PRKG1: variants seen among roughly 807,000 people sequenced by gnomAD.
The protein encoded by PRKG1 is cGMP-dependent protein kinase 1.
In PRKG1, 35 loss-of-function variants were observed where a neutral mutation model predicts 88.1. The observed-to-expected ratio is 0.40, with a 90% CI of 0.30 to 0.53. The LOEUF (loss-of-function observed/expected upper bound fraction) is 0.53, where lower values mean the gene tolerates loss of function less well. PRKG1 is among the 20% of genes least tolerant of loss of function. The pLI, the probability that PRKG1 is intolerant of heterozygous loss-of-function variation, is 0.59. For synonymous variants in PRKG1, 303 were observed against 292.5 expected, an observed-to-expected ratio of 1.04 and a Z score of -0.37; for missense variants, 540 against 839.8, an observed-to-expected ratio of 0.64 and a Z score of 4.41.
chr10:51,691,695 A>AGG (rs1047014648), intron 3 of PRKG1, among the ~76,000 whole-genome samples: 2 of 152,184 alleles, frequency 1.3e-5, no homozygotes, highest in African/African-American at 4.8e-5. Flanking sequence ...TTTTATACTG[A>AGG]GTAAAAGCAG....
chr10:51,840,410 C>A (rs959797303), intron 4 of PRKG1, among the ~76,000 whole-genome samples: 1 of 152,032 alleles, frequency 6.6e-6, no homozygotes, highest in Non-Finnish European at 1.5e-5. Flanking sequence ...ATACTTTTTA[C>A]AGTCACGAAT....
chr10:51,254,192 G>C (rs1839497603), intron 2 of PRKG1, among the ~76,000 whole-genome samples: 1 of 151,854 alleles, frequency 6.6e-6, no homozygotes, highest in African/African-American at 2.4e-5. Context: ...TTTTCCAAGA[G>C]TTTCTTTTGA....
At chr10:51,210,568 G>A (rs974660600) in intron 2 of PRKG1, among the ~76,000 whole-genome samples, 15 of 152,222 alleles carry the variant, frequency 9.9e-5, no homozygotes, top group Non-Finnish European at 1.9e-4. Flanking sequence ...TAGACCACTA[G>A]CAAGACTAAT....
chr10:51,135,808 A>T (rs888104575), intron 1 of PRKG1, among the ~76,000 whole-genome samples: 1 of 152,042 alleles, frequency 6.6e-6, no homozygotes, highest in Non-Finnish European at 1.5e-5. Context: ...AGTGAAAAGG[A>T]TTAAATATGG....
chr10:51,925,689 C>T (rs941802803), intron 5 of PRKG1, among the ~76,000 whole-genome samples: 2 of 151,998 alleles, frequency 1.3e-5, no homozygotes, highest in African/African-American at 4.8e-5. Context: ...TCACTTTTCC[C>T]CTAGATTTAT....
At chr10:51,594,898 G>A (rs1250760822) in intron 3 of PRKG1, among the ~76,000 whole-genome samples, 1 of 152,148 alleles carries the variant, frequency 6.6e-6, no homozygotes, top group African/African-American at 2.4e-5. Flanking sequence ...AAAAGGCATA[G>A]GCTGGGGAAT....
At chr10:51,704,251 A>T (rs1055628706) in intron 3 of PRKG1, among the ~76,000 whole-genome samples, 9 of 139,414 alleles carry the variant, frequency 6.5e-5, no homozygotes, top group African/African-American at 2.3e-4. Context: ...ACAGACAGAC[A>T]GATAGATAGA....
At chr10:51,527,418 A>G (rs1841909521) in intron 3 of PRKG1, among the ~76,000 whole-genome samples, 2 of 152,288 alleles carry the variant, frequency 1.3e-5, no homozygotes, top group Non-Finnish European at 2.9e-5. Flanking sequence ...CAAGAGTACT[A>G]AAAAGAAAAA....
At chr10:51,161,232 GT>G (rs79907010) in intron 2 of PRKG1, among the ~76,000 whole-genome samples, 1,586 of 147,018 alleles carry the variant, frequency 0.011, 38 homozygotes, top group African/African-American at 0.036. Context: ...GACTAATACA[GT>G]TTTTTTTTTG....
At chr10:51,868,527 A>G (rs956208405) in intron 4 of PRKG1, among the ~76,000 whole-genome samples, 7 of 152,222 alleles carry the variant, frequency 4.6e-5, no homozygotes, top group African/African-American at 1.7e-4. Context: ...GGATACTGAA[A>G]ATATTCAGCC....
At chr10:51,706,616 G>A (rs1841610503) in intron 3 of PRKG1, among the ~76,000 whole-genome samples, 2 of 152,050 alleles carry the variant, frequency 1.3e-5, no homozygotes, top group South Asian at 4.1e-4. Context: ...GCTTGTAAAA[G>A]GATTTAGATA....
intron 12 of PRKG1, among the ~76,000 whole-genome samples, chr10:52,278,592 A>G (rs1841927021): frequency 6.6e-6 from 1 of 152,160 alleles, no homozygotes; most frequent in East Asian, 1.9e-4. Context: ...GATAAAGAAA[A>G]TGTGGCACAT....
At chr10:51,926,603 G>T (rs1479992674) in intron 5 of PRKG1, among the ~76,000 whole-genome samples, 1 of 151,882 alleles carries the variant, frequency 6.6e-6, no homozygotes, top group Admixed American at 6.6e-5. Flanking sequence ...TGCTTGCCCT[G>T]GGTGCTACTG....
chr10:51,623,658 C>T (rs920941950), intron 3 of PRKG1, among the ~76,000 whole-genome samples: 1 of 152,114 alleles, frequency 6.6e-6, no homozygotes, highest in African/African-American at 2.4e-5. Flanking sequence ...TAGTGATATA[C>T]ACAGAGCATC....
chr10:51,355,088 TC>T (rs576720104), intron 2 of PRKG1, among the ~76,000 whole-genome samples: 219 of 152,198 alleles, frequency 1.4e-3, no homozygotes, highest in South Asian at 8.5e-3. Context: ...CATAAATGGG[TC>T]CATACAACAT....
intron 10 of PRKG1, among the ~76,000 whole-genome samples, chr10:52,266,974 C>CT (rs1841587205): frequency 6.6e-6 from 1 of 151,924 alleles, no homozygotes; most frequent in African/African-American, 2.4e-5. Flanking sequence ...TCCTGTTCTC[C>CT]TTTTTTGCTG....
intron 3 of PRKG1, among the ~76,000 whole-genome samples, chr10:51,722,142 T>C: frequency 6.6e-6 from 1 of 151,966 alleles, no homozygotes; most frequent in Non-Finnish European, 1.5e-5. Flanking sequence ...AGGCAGAGAA[T>C]TGCTTGAACC....
intron 3 of PRKG1, chr10:51,698,860 G>A (rs1448143484): frequency 3.7e-6 from 6 of 1,614,140 alleles, no homozygotes; most frequent in East Asian, 4.5e-5. Context: ...GATTCTGCTG[G>A]TTCAGCAGAA....
At chr10:51,266,052 G>A (rs1203174822) in intron 2 of PRKG1, among the ~76,000 whole-genome samples, 1 of 152,172 alleles carries the variant, frequency 6.6e-6, no homozygotes, top group Non-Finnish European at 1.5e-5. Flanking sequence ...GGGAAATAAT[G>A]TGCATTTTTA....
Sources: allele counts gnomAD v4.1 joint callset (sites outside exome capture counted in the v4.1 genomes callset), GRCh38; gene constraint gnomAD v4.1.1; transcripts MANE v1.5; gene names NCBI Gene and HGNC (gene_info 2026-07-23, HGNC 2026-07-21).